NALF1: variants seen among roughly 807,000 people sequenced by gnomAD.
NALF1 encodes the protein family with sequence similarity 155 member A.
NALF1 carries 3 observed loss-of-function variants against 48.4 expected under a neutral mutation model. The observed-to-expected ratio is 0.06, with a 90% CI of 0.03 to 0.16. NALF1 has a LOEUF of 0.16. NALF1 is among the 10% of genes least tolerant of loss of function. The pLI, the probability that NALF1 is intolerant of heterozygous loss-of-function variation, is 1.00. For missense variants in NALF1, 526 were observed against 571.5 expected, an observed-to-expected ratio of 0.92 and a Z score of 0.81; for synonymous variants, 262 against 245.7, an observed-to-expected ratio of 1.07 and a Z score of -0.62.
chr13:107,628,746 T>G (rs1365122923), intron 1 of NALF1, among the ~76,000 whole-genome samples: 3 of 152,180 alleles, frequency 2.0e-5, no homozygotes, highest in Non-Finnish European at 4.4e-5. Context: ...TTTACAAATT[T>G]TATTCATGTT....
chr13:107,638,589 G>C (rs1880056585), intron 1 of NALF1, among the ~76,000 whole-genome samples: 1 of 152,080 alleles, frequency 6.6e-6, no homozygotes, highest in South Asian at 2.1e-4. Context: ...TGCTGAATAA[G>C]ACAGTTTCAG....
chr13:107,841,804 T>A (rs1045453261), intron 1 of NALF1, among the ~76,000 whole-genome samples: 38 of 152,110 alleles, frequency 2.5e-4, no homozygotes, highest in African/African-American at 7.7e-4. Flanking sequence ...CGCCTTTTTT[T>A]ATAATATTTC....
intron 1 of NALF1, among the ~76,000 whole-genome samples, chr13:107,280,292 T>A (rs559914951): frequency 2.6e-4 from 40 of 152,354 alleles, no homozygotes; most frequent in South Asian, 1.0e-3. Flanking sequence ...TACTCTGAAA[T>A]TTCAAGGCTT....
chr13:107,636,468 G>A (rs1030151675), intron 1 of NALF1, among the ~76,000 whole-genome samples: 1 of 152,106 alleles, frequency 6.6e-6, no homozygotes, highest in Non-Finnish European at 1.5e-5. Context: ...TGATCAAGAA[G>A]ACTAACATTT....
chr13:107,383,629 G>T (rs1483585214), intron 1 of NALF1, among the ~76,000 whole-genome samples: 1 of 152,116 alleles, frequency 6.6e-6, no homozygotes, highest in Non-Finnish European at 1.5e-5. Context: ...AGTAATTGAT[G>T]TTTATACCTT....
At chr13:107,270,054 G>A (rs559186637) in intron 1 of NALF1, among the ~76,000 whole-genome samples, 1 of 151,282 alleles carries the variant, frequency 6.6e-6, no homozygotes, top group African/African-American at 2.4e-5. Flanking sequence ...ACAGGCGTGA[G>A]CCACCGCGCC....
chr13:107,368,381 A>G (rs1214938795), intron 1 of NALF1, among the ~76,000 whole-genome samples: 1 of 150,918 alleles, frequency 6.6e-6, no homozygotes, highest in Non-Finnish European at 1.5e-5. Context: ...CAATGGCCCA[A>G]TCTCGGCTCA....
intron 1 of NALF1, among the ~76,000 whole-genome samples, chr13:107,217,476 C>T (rs528346407): frequency 2.0e-4 from 30 of 152,320 alleles, no homozygotes; most frequent in Admixed American, 1.8e-3. Context: ...CGTCCATCCT[C>T]GTGATTCAAT....
chr13:107,757,575 T>C (rs544377321), intron 1 of NALF1, among the ~76,000 whole-genome samples: 158 of 152,228 alleles, frequency 1.0e-3, no homozygotes, highest in African/African-American at 3.7e-3. Context: ...GTACAGATCA[T>C]GAATCCCAAA....
intron 1 of NALF1, among the ~76,000 whole-genome samples, chr13:107,231,499 A>G (rs1880224302): frequency 1.3e-5 from 2 of 152,300 alleles, no homozygotes; most frequent in East Asian, 1.9e-4. Flanking sequence ...TCAGACTAGG[A>G]AAAAAACGTC....
chr13:107,524,983 A>G (rs1249392410), intron 1 of NALF1, among the ~76,000 whole-genome samples: 1 of 152,124 alleles, frequency 6.6e-6, no homozygotes, highest in African/African-American at 2.4e-5. Flanking sequence ...GGAGACATAG[A>G]GAGCTTCCAA....
At chr13:107,607,686 T>C (rs1879109880) in intron 1 of NALF1, among the ~76,000 whole-genome samples, 1 of 152,072 alleles carries the variant, frequency 6.6e-6, no homozygotes, top group Non-Finnish European at 1.5e-5. Flanking sequence ...TGCCTCGGAG[T>C]TGAGAACCCT....
At chr13:107,519,409 C>A (rs994939884) in intron 1 of NALF1, among the ~76,000 whole-genome samples, 1 of 151,834 alleles carries the variant, frequency 6.6e-6, no homozygotes, top group Non-Finnish European at 1.5e-5. Flanking sequence ...AAGGATGTAA[C>A]TACTAAAGCC....
At chr13:107,750,204 G>A (rs972189995) in intron 1 of NALF1, among the ~76,000 whole-genome samples, 7 of 152,138 alleles carry the variant, frequency 4.6e-5, no homozygotes, top group Non-Finnish European at 8.8e-5. Flanking sequence ...TGGGACGTGC[G>A]GACCTAGAGA....
chr13:107,752,606 C>G (rs1876971002), intron 1 of NALF1, among the ~76,000 whole-genome samples: 1 of 152,082 alleles, frequency 6.6e-6, no homozygotes, highest in African/African-American at 2.4e-5. Flanking sequence ...AAGTTGGGCA[C>G]AGAAAGACAA....
intron 1 of NALF1, among the ~76,000 whole-genome samples, chr13:107,791,367 C>CT (rs1878226605): frequency 6.6e-6 from 1 of 152,096 alleles, no homozygotes; most frequent in South Asian, 2.1e-4. Context: ...AGCTAGCTAG[C>CT]TAGCTATCAA....
intron 1 of NALF1, among the ~76,000 whole-genome samples, chr13:107,403,775 C>A (rs1357457153): frequency 2.0e-5 from 3 of 151,634 alleles, no homozygotes; most frequent in Non-Finnish European, 4.4e-5. Context: ...AGTTACACAC[C>A]ATTTTAGCTT....
chr13:107,537,078 C>T lies in NALF1; in HGVS notation c.916-326323G>A, dbSNP rs140177835. On this transcript the variant is annotated intron_variant, in intron 1 of 2. Transcript: ENST00000375915. ...GGGAACATCACACACCAGGGCCAGT[C>T]GTGGGGTGGGAGGAGTGGGGAGGGA... is the stretch of plus-strand genomic sequence containing the variant. Among the ~76,000 whole-genome samples, 63 of 151,904 alleles carry T rather than the reference C, an allele frequency of 4.1e-4. 1 individual carries two copies. In the East Asian group the frequency reaches 7.0e-3, roughly 17 times the overall value.
At chr13:107,348,956 C>G (rs187616963) in intron 1 of NALF1, among the ~76,000 whole-genome samples, 40 of 152,288 alleles carry the variant, frequency 2.6e-4, no homozygotes, top group Non-Finnish European at 5.1e-4. Context: ...GGACACTGTT[C>G]ATCCTTCAAG....
Sources: gnomAD v4.1 joint callset for allele counts (sites outside exome capture counted in the v4.1 genomes callset) on GRCh38, gnomAD v4.1.1 for gene constraint, MANE v1.5 for transcripts, NCBI Gene and HGNC (gene_info 2026-07-23, HGNC 2026-07-21) for gene names.